SLC12A6: variants seen among roughly 807,000 people sequenced by gnomAD.
The protein encoded by SLC12A6 is K-Cl cotransporter 3.
In SLC12A6, 66 loss-of-function variants were observed where a neutral mutation model predicts 135.3. The observed-to-expected ratio is 0.49, with a 90% CI of 0.40 to 0.60. SLC12A6 has a LOEUF of 0.60. Ranked by LOEUF, SLC12A6 falls within the 20% of genes least tolerant of loss-of-function variation. The pLI is 0.00. For missense variants in SLC12A6, 1,058 were observed against 1,452.3 expected (o/e 0.73, Z 4.41); for synonymous variants, 513 against 508.8 (o/e 1.01, Z -0.11).
chr15:34,238,974 T>C lies in SLC12A6; in HGVS notation c.2623A>G (p.Thr875Ala), dbSNP rs1370563358. 1.2e-6 allele frequency: 2 copies of C among 1,613,874 alleles called. No individual in the cohort carries two copies. Among genetic ancestry groups the C allele is most frequent in the African/African-American group, 2.7e-5 (2 of 75,032 alleles). ...RQSEDARAWK[T>A]FIGTVRVTTA... ...GAGAAATGGTTAGTACCAATAAAAG[T>C]CTTCCAAGCGCGGGCATCTTCGCTT... Residue 875 changes from threonine (T) to alanine (A), a missense_variant, in exon 20 of 26, where the codon ACT (threonine) becomes GCT (alanine). By Grantham distance (58) the Thr-to-Ala change is moderately conservative. This residue lies in a region of SLC12A6 where 245 missense variants were observed against 440.8 expected (regional missense o/e 0.56). Coordinates refer to ENST00000354181, the MANE Select transcript of SLC12A6 (RefSeq NM_001365088.1).
intron 2 of SLC12A6, among the ~76,000 whole-genome samples, chr15:34,323,567 C>T (rs1889264290): frequency 6.6e-6 from 1 of 152,178 alleles, no homozygotes; most frequent in Non-Finnish European, 1.5e-5. Context: ...CATGCCAAAA[C>T]CATGCCTGTC....
intron 2 of SLC12A6, among the ~76,000 whole-genome samples, chr15:34,308,125 C>T (rs1887863293): frequency 1.3e-5 from 2 of 151,946 alleles, no homozygotes; most frequent in African/African-American, 4.8e-5. Context: ...TCTTACCTAC[C>T]TTCAGTGATA....
chr15:34,290,889 TG>T (rs1895472394), intron 2 of SLC12A6, among the ~76,000 whole-genome samples: 1 of 152,228 alleles, frequency 6.6e-6, no homozygotes, highest in Non-Finnish European at 1.5e-5. Flanking sequence ...GCACGTGAGA[TG>T]GGTCTCCTGA....
chr15:34,288,336 G>C (rs367695248), intron 2 of SLC12A6, among the ~76,000 whole-genome samples: 5 of 152,148 alleles, frequency 3.3e-5, no homozygotes, highest in African/African-American at 4.8e-5. Context: ...TGTTCCATTG[G>C]TCTATATATC....
rs1233826704 is a variant in SLC12A6 at position 34,240,673 on chromosome 15, T to G, written c.2424A>C (p.Leu808Phe). Residue 808 changes from leucine (L) to phenylalanine (F), a missense_variant, in exon 19 of 26, where the codon TTA (leucine) becomes TTC (phenylalanine). Around this residue, in one of 6 missense-constraint regions of SLC12A6, gnomAD observed 31 missense variants for 24.3 expected, o/e 1.28. Coordinates refer to ENST00000354181, the MANE Select transcript of SLC12A6 (RefSeq NM_001365088.1). The stretch of plus-strand genomic sequence containing the variant: ...GCCTGACTCTTACCTGCTCAGCAGC[T>G]AAAGCTTCACCGTAGTTCTCTAGGA... ...GNFLENYGEA[L>F]AAEQTIKHLM... 1 of 1,613,982 alleles carries G rather than the reference T, an allele frequency of 6.2e-7. No homozygotes were observed. The highest frequency in any genetic ancestry group is 8.5e-7 in the Non-Finnish European group (1 of 1,179,862).
chr15:34,234,683 T>C (rs1595394849), intron 25 of SLC12A6, among the ~76,000 whole-genome samples: 1 of 152,220 alleles, frequency 6.6e-6, no homozygotes, highest in Non-Finnish European at 1.5e-5. Context: ...AAACCTCTTC[T>C]TTCTTAATGG....
At chr15:34,235,430 G>GT in intron 24 of SLC12A6, 116 bp from the exon 25 acceptor site, 1 of 539,780 alleles carries the variant, frequency 1.9e-6, no homozygotes, top group Non-Finnish European at 3.1e-6. Flanking sequence ...CTGATAAAAT[G>GT]ATTTTTTTTT....
chr15:34,274,799 G>A (rs550964858), intron 3 of SLC12A6, among the ~76,000 whole-genome samples: 98 of 151,792 alleles, frequency 6.5e-4, no homozygotes, highest in African/African-American at 2.1e-3. Flanking sequence ...GTGACAGAGC[G>A]AGACACTGTC....
In SLC12A6 at chr15:34,230,024, G is replaced by C; in HGVS notation, c.*3857C>G. 1 of 567,324 alleles carries C rather than the reference G, an allele frequency of 1.8e-6. No individual in the cohort carries two copies. The highest frequency in any genetic ancestry group is 3.1e-6 in the Non-Finnish European group (1 of 323,694). 35.1% of individuals were successfully genotyped at this position (567,324 alleles called of 1,614,324 possible). ...AAATAATGTAGAAAACTTTATTTTT[G>C]TTTCCAGTACAGAGCAAAACAACAA... On this transcript the variant is annotated 3_prime_UTR_variant, in exon 26 of 26. Coordinates refer to ENST00000354181, the MANE Select transcript of SLC12A6 (RefSeq NM_001365088.1).
chr15:34,300,581 G>A (rs1164183055), intron 2 of SLC12A6, among the ~76,000 whole-genome samples: 2 of 152,046 alleles, frequency 1.3e-5, no homozygotes, highest in Admixed American at 1.3e-4. Flanking sequence ...AGGATCACTT[G>A]AGCCCAGACC....
chr15:34,289,454 T>C (rs2140960858), intron 2 of SLC12A6, among the ~76,000 whole-genome samples: 1 of 152,300 alleles, frequency 6.6e-6, no homozygotes, highest in East Asian at 1.9e-4. Context: ...TTTTTTGTTG[T>C]GTCTGTCAGA....
intron 2 of SLC12A6, among the ~76,000 whole-genome samples, chr15:34,284,286 T>TC (rs942888944): frequency 2.1e-5 from 3 of 140,790 alleles, no homozygotes; most frequent in Admixed American, 7.0e-5. Flanking sequence ...TCTTTTTTTT[T>TC]TTTTTTTTTT....
chr15:34,331,251 T>G (rs772304013), intron 2 of SLC12A6, among the ~76,000 whole-genome samples: 9 of 152,170 alleles, frequency 5.9e-5, no homozygotes, highest in African/African-American at 2.2e-4. Context: ...CAGGTTCTCA[T>G]GCCTCAGCCA....
At chr15:34,304,667 T>C (rs1440272673) in intron 2 of SLC12A6, among the ~76,000 whole-genome samples, 2 of 152,214 alleles carry the variant, frequency 1.3e-5, no homozygotes, top group African/African-American at 4.8e-5. Context: ...CATGTACATA[T>C]TGGTGCTTTT....
In SLC12A6 at chr15:34,256,278, C is replaced by T. The variant is rs779373683; in HGVS notation, c.696G>A (p.Met232Ile). ...AIVLICCCCT[M>I]LTAISMSAIA... The stretch of plus-strand genomic sequence containing the variant: ...TGGCACTCATGGAGATAGCAGTCAA[C>T]ATTGTCTGCAGAGAAAAGGAAAGGA... Residue 232 changes from methionine (M) to isoleucine (I), a missense_variant, in exon 7 of 26, where the codon ATG becomes ATA. Met to Ile is a conservative substitution (Grantham distance 10). Coordinates refer to ENST00000354181, the MANE Select transcript of SLC12A6 (RefSeq NM_001365088.1). 6.3e-7 allele frequency: 1 copy of T among 1,599,122 alleles called. No individual in the cohort carries two copies. The highest frequency in any genetic ancestry group is 1.1e-5 in the South Asian group (1 of 90,772).
In SLC12A6 at chr15:34,230,716, A is replaced by G. The variant is rs1890866901; in HGVS notation, c.*3165T>C. The G allele has an allele frequency of 6.6e-6, 1 of 151,732 alleles. No individual in the cohort carries two copies. Among genetic ancestry groups the G allele is most frequent in the South Asian group, 2.1e-4 (1 of 4,738 alleles). 9.4% of individuals were successfully genotyped at this position (151,732 alleles called of 1,614,324 possible). ...GTATTGCTTTATTTGCAGTGATTAAAAGAGATGAGAGACTTTGGAGACAGA... is the reference window on the plus strand; with the variant it reads ...GTATTGCTTTATTTGCAGTGATTAAGAGAGATGAGAGACTTTGGAGACAGA... On this transcript the variant is annotated 3_prime_UTR_variant, in exon 26 of 26. Coordinates refer to ENST00000354181, the MANE Select transcript of SLC12A6 (RefSeq NM_001365088.1).
chr15:34,296,449 A>G (rs1895883494), intron 2 of SLC12A6, among the ~76,000 whole-genome samples: 1 of 152,142 alleles, frequency 6.6e-6, no homozygotes. Context: ...TTCAAAAAAG[A>G]CTCGCTTGAA....
At chr15:34,258,751 A>G (rs1292009930) in intron 5 of SLC12A6, 62 bp downstream of exon 5, 76 of 1,104,466 alleles carry the variant, frequency 6.9e-5, no homozygotes, top group Non-Finnish European at 9.7e-5. Context: ...TGCCTTAGGT[A>G]TTTCCTTCTT....
intron 2 of SLC12A6, among the ~76,000 whole-genome samples, chr15:34,322,259 T>C (rs779908215): frequency 5.9e-5 from 9 of 152,014 alleles, no homozygotes; most frequent in Admixed American, 5.2e-4. Flanking sequence ...CACATGCCTG[T>C]AATACCAGCC....
Sources: gnomAD v4.1 joint callset for allele counts (sites outside exome capture counted in the v4.1 genomes callset) on GRCh38, gnomAD v4.1.1 for gene constraint, gnomAD v4.1.1 regional missense constraint, MANE v1.5 for transcripts, NCBI Gene and HGNC (gene_info 2026-07-23, HGNC 2026-07-21) for gene names.